Variants in SLC4A9 observed in about 807,000 individuals in gnomAD.
The protein encoded by SLC4A9 is solute carrier family 4 member 9.
Under a neutral mutation model 103.2 loss-of-function variants are expected in SLC4A9, and 102 were observed. The observed-to-expected ratio is 0.99, with a 90% CI of 0.84 to 1.17. The LOEUF (loss-of-function observed/expected upper bound fraction) is 1.17, where lower values mean the gene tolerates loss of function less well. SLC4A9 is among the 50% of genes most tolerant of loss of function. The probability of loss-of-function intolerance (pLI) is 0.00; values close to 1 mark genes in which losing one functional copy is unlikely to be tolerated. For synonymous variants in SLC4A9, 453 were observed against 483.6 expected (o/e 0.94, Z 0.83); for missense variants, 1,091 against 1,193.7 (o/e 0.91, Z 1.27).
chr5:140,370,743 A>T (rs1441735088), intron 17 of SLC4A9: 3 of 234,524 alleles, frequency 1.3e-5, no homozygotes, highest in African/African-American at 6.7e-5. Flanking sequence ...AGGGGTAGGA[A>T]CAAACTTGGG....
At position 140,365,933 on chromosome 5, in the gene SLC4A9, GC is replaced by G. The variant is rs777493969; in HGVS notation, c.1812del (p.Phe605SerfsTer20). 1 of 1,613,998 alleles carries G rather than the reference GC, an allele frequency of 6.2e-7. No homozygotes were observed. Among genetic ancestry groups the G allele is most frequent in the Non-Finnish European group, 8.5e-7 (1 of 1,179,888 alleles). ...TGGCTGTCATACAGTCCCAGACATT[GC>G]CTTCTTCTCCCTTCTCCTCTTCCTT... ...GPGCHTVPDIAFFSLLLFLTS... is the reference protein window; with the variant it reads ...GPGCHTVPDIXFFSLLLFLTS... On this transcript the variant is annotated frameshift_variant, in exon 13 of 22. Coordinates refer to ENST00000506757, the MANE Select transcript of SLC4A9 (RefSeq NM_031467.3). LOFTEE classifies it high-confidence loss of function.
At position 140,371,244 on chromosome 5, in the gene SLC4A9, C is replaced by G. The variant is rs371651205; in HGVS notation, c.2496+81C>G. 5.4e-6 allele frequency: 8 copies of G among 1,486,676 alleles called. No homozygotes were observed. The South Asian group carries it at 8.2e-5, about 15-fold the overall frequency. The allele number at this position is 1,486,676 out of a possible 1,614,324, so 92.1% of individuals were successfully genotyped here. ...AAAAAGAACAAAATTACCTAGCAACCCTACTCCTTTTTTCTTTTCTGCTGG... is the reference window on the plus strand; with the variant it reads ...AAAAAGAACAAAATTACCTAGCAACGCTACTCCTTTTTTCTTTTCTGCTGG... On this transcript the variant is annotated intron_variant, in intron 18 of 21. Coordinates refer to ENST00000506757, the MANE Select transcript of SLC4A9 (RefSeq NM_031467.3).
intron 11 of SLC4A9, 72 bp from the exon 12 acceptor site, chr5:140,365,448 T>G: frequency 7.2e-7 from 1 of 1,396,236 alleles, no homozygotes; most frequent in South Asian, 1.2e-5. Flanking sequence ...ACCCATCAGA[T>G]AAGAATTTTA....
At chr5:140,367,122 C>G (rs535207055) in intron 14 of SLC4A9, among the ~76,000 whole-genome samples, 1 of 152,320 alleles carries the variant, frequency 6.6e-6, no homozygotes, top group South Asian at 2.1e-4. Context: ...GAGCAGGGCT[C>G]TGTACATCAA....
At position 140,364,528 on chromosome 5, in the gene SLC4A9, T is replaced by A; in HGVS notation, c.1554T>A (p.Asp518Glu). Residue 518 changes from aspartate to glutamate, a missense_variant, in exon 11 of 22, where the codon GAT (aspartate) becomes GAA (glutamate). Coordinates refer to ENST00000506757, the MANE Select transcript of SLC4A9 (RefSeq NM_031467.3). ...TCATCAGCCTCATCTTCATCTACGA[T>A]GCTGTGGGCAAAATGCTGAACTTGA... ...CALISLIFIY[D>E]AVGKMLNLTH... 6.2e-7 allele frequency: 1 copy of A among 1,610,420 alleles called. No individual in the cohort carries two copies.
chr5:140,363,180 T>C lies in SLC4A9; in HGVS notation c.962+114T>C. ...AAGAGATAGGGACCTATCTTTGGAT[T>C]TGGAGTCAGGCAGACCTAACTCTGA... is the stretch of plus-strand genomic sequence containing the variant. On this transcript the variant is annotated intron_variant, in intron 7 of 21. Coordinates refer to ENST00000506757, the MANE Select transcript of SLC4A9 (RefSeq NM_031467.3). This position sits in a 1 kb window ranked among gnomAD's most constrained non-coding sequence, Gnocchi z 4.5. The C allele has an allele frequency of 2.9e-6, 4 of 1,392,938 alleles. No individual in the cohort carries two copies. The highest frequency in any genetic ancestry group is 2.9e-5 in the African/African-American group (2 of 68,124). 86.3% of individuals were successfully genotyped at this position (1,392,938 alleles called of 1,614,324 possible).
chr5:140,372,978 G>A (rs1479999806), intron 21 of SLC4A9, 135 bp downstream of exon 21: 2 of 540,688 alleles, frequency 3.7e-6, no homozygotes, highest in Non-Finnish European at 6.3e-6. Flanking sequence ...TGGGGGTGCT[G>A]GGGTGTAGAA....
At chr5:140,361,118 A>G in intron 2 of SLC4A9, 136 bp from the exon 3 acceptor site, 1 of 1,168,086 alleles carries the variant, frequency 8.6e-7, no homozygotes, top group Non-Finnish European at 1.2e-6. Flanking sequence ...ATGGAAAAGC[A>G]GGGTGGAGGA....
At position 140,360,407 on chromosome 5, in the gene SLC4A9, C is replaced by A; in HGVS notation, c.171C>A (p.Phe57Leu). 1 of 1,601,128 alleles carries A rather than the reference C, an allele frequency of 6.2e-7. No individual in the cohort carries two copies. Among genetic ancestry groups the A allele is most frequent in the Non-Finnish European group, 8.5e-7 (1 of 1,173,648 alleles). Residue 57 changes from phenylalanine (F) to leucine (L), a missense_variant, in exon 1 of 22, where the codon TTC (phenylalanine) becomes TTA (leucine). Transcript: ENST00000506757. ...ELGVPKDPLLFIQLNELLGWP... is the reference protein window; with the variant it reads ...ELGVPKDPLLLIQLNELLGWP... Reference sequence around the variant, plus strand: ...GAGTACCCAAAGACCCTCTGCTCTTCATTCAGCTGAATGAGCTGCTGGGCT... The same window carrying A: ...GAGTACCCAAAGACCCTCTGCTCTTAATTCAGCTGAATGAGCTGCTGGGCT...
intron 17 of SLC4A9, 128 bp downstream of exon 17, chr5:140,368,787 A>C: frequency 4.4e-6 from 3 of 680,366 alleles, no homozygotes; most frequent in Non-Finnish European, 7.4e-6. Flanking sequence ...ACATGGTCTC[A>C]TTTAATCCTC....
intron 21 of SLC4A9, among the ~76,000 whole-genome samples, 196 bp downstream of exon 21, chr5:140,373,039 C>T (rs1768959148): frequency 6.6e-6 from 1 of 152,142 alleles, no homozygotes; most frequent in South Asian, 2.1e-4. Context: ...GGCTTGGCTC[C>T]CTGTGGTTCT....
At chr5:140,365,761 T>C (rs1767780494) in intron 12 of SLC4A9, 73 bp from the exon 13 acceptor site, 2 of 1,527,234 alleles carry the variant, frequency 1.3e-6, no homozygotes, top group Non-Finnish European at 1.8e-6. Context: ...CCCTCCTCCC[T>C]TGAAGTTGGT....
intron 5 of SLC4A9, 99 bp from the exon 6 acceptor site, chr5:140,362,346 T>G: frequency 7.7e-7 from 1 of 1,304,568 alleles, no homozygotes; most frequent in Non-Finnish European, 1.1e-6. Flanking sequence ...CAAATGAGTG[T>G]GTTTATGGGA....
intron 6 of SLC4A9, among the ~76,000 whole-genome samples, 167 bp downstream of exon 6, chr5:140,362,699 G>A (rs914287994): frequency 1.3e-5 from 2 of 152,170 alleles, no homozygotes; most frequent in Non-Finnish European, 2.9e-5. Context: ...AAGTTTCCTC[G>A]TCTCCTAGTG....
intron 18 of SLC4A9, 68 bp from the exon 19 acceptor site, chr5:140,371,383 G>A: frequency 4.4e-6 from 7 of 1,581,586 alleles, no homozygotes; most frequent in Non-Finnish European, 6.1e-6. Flanking sequence ...GGCTATGATA[G>A]CTATCAGTGA....
At chr5:140,360,601 T>G in intron 1 of SLC4A9, 135 bp downstream of exon 1, 1 of 1,130,304 alleles carries the variant, frequency 8.8e-7, no homozygotes, top group African/African-American at 1.6e-5. Context: ...TTTCAGGGTC[T>G]TACCTTCCAT....
chr5:140,368,741 T>TA (rs757910597), intron 17 of SLC4A9, 82 bp downstream of exon 17: 192 of 1,200,764 alleles, frequency 1.6e-4, no homozygotes, highest in Non-Finnish European at 2.1e-4. Flanking sequence ...GTTGAATACT[T>TA]ACAGTGTGCC....
rs751730127 is a variant in SLC4A9, at chr5:140,372,280, G to T, written c.2709G>T (p.Arg903Ser). The change falls in exon 20 of 22, where the codon AGG becomes AGT. Residue 903 changes from arginine to serine, a missense_variant. By Grantham distance (110) the Arg-to-Ser change is moderately radical. Coordinates refer to ENST00000506757, the MANE Select transcript of SLC4A9 (RefSeq NM_031467.3). Reference sequence around the variant, plus strand: ...TGGGGGTCCGAAAGGCCCTGGAGAGGGTCTTCTCACCACAGGAACTCCTCT... The same window carrying T: ...TGGGGGTCCGAAAGGCCCTGGAGAGTGTCTTCTCACCACAGGAACTCCTCT... ...GLVGVRKALE[R>S]VFSPQELLWL... 6.3e-7 allele frequency: 1 copy of T among 1,597,276 alleles called. No homozygotes were observed. The highest frequency in any genetic ancestry group is 1.1e-5 in the South Asian group (1 of 88,376).
In SLC4A9 at chr5:140,360,344, C is replaced by A. The variant is rs756572727; in HGVS notation, c.108C>A (p.Ser36Arg). ...DSNPDPGTGP[S>R]PDGPSDTESK... ...ACCCTGACCCTGGCACCGGCCCCAG[C>A]CCTGATGGCCCCTCAGACACAGAGA... is the stretch of plus-strand genomic sequence containing the variant. The change falls in exon 1 of 22, where the codon AGC becomes AGA. Residue 36 changes from serine to arginine, a missense_variant. Transcript: ENST00000506757. 7 of 1,611,140 alleles carry A rather than the reference C, an allele frequency of 4.3e-6. No individual in the cohort carries two copies. The highest frequency in any genetic ancestry group is 4.0e-5 in the African/African-American group (3 of 74,956).
Sources: gnomAD v4.1 joint callset for allele counts (sites outside exome capture counted in the v4.1 genomes callset) on GRCh38, gnomAD v4.1.1 for gene constraint, Gnocchi (gnomAD v3.1) non-coding constraint, MANE v1.5 for transcripts, NCBI Gene and HGNC (gene_info 2026-07-23, HGNC 2026-07-21) for gene names.